Variants in HS6ST3 observed in about 807,000 individuals in gnomAD.
The protein encoded by HS6ST3 is heparan-sulfate 6-O-sulfotransferase 3.
Under a neutral mutation model 36.7 loss-of-function variants are expected in HS6ST3, and 12 were observed. That is an observed-to-expected ratio of 0.33 (90% CI 0.21 to 0.53). The LOEUF is 0.53. HS6ST3 is among the 20% of genes least tolerant of loss of function. The probability of loss-of-function intolerance (pLI) is 0.95; values close to 1 mark genes in which losing one functional copy is unlikely to be tolerated. For missense variants in HS6ST3, 584 were observed against 640.9 expected (o/e 0.91, Z 0.96); for synonymous variants, 240 against 257.5 (o/e 0.93, Z 0.65).
chr13:96,466,752 A>T (rs1311209165), intron 1 of HS6ST3, among the ~76,000 whole-genome samples: 1 of 125,024 alleles, frequency 8.0e-6, no homozygotes, highest in Non-Finnish European at 1.8e-5. Flanking sequence ...ATGAAGTTGG[A>T]TACCTTAAAT....
chr13:96,791,092 A>C (rs994379259), intron 1 of HS6ST3, among the ~76,000 whole-genome samples: 1 of 151,926 alleles, frequency 6.6e-6, no homozygotes. Flanking sequence ...CTTAGTGACT[A>C]TTTCTAGGAC....
chr13:96,154,899 C>T (rs1167516940), intron 1 of HS6ST3, among the ~76,000 whole-genome samples: 2 of 151,932 alleles, frequency 1.3e-5, no homozygotes, highest in Non-Finnish European at 2.9e-5. Flanking sequence ...AATATTTATA[C>T]CTGTAGACTC....
intron 1 of HS6ST3, among the ~76,000 whole-genome samples, chr13:96,314,195 T>C (rs1195535209): frequency 6.6e-6 from 1 of 152,130 alleles, no homozygotes; most frequent in Non-Finnish European, 1.5e-5. Flanking sequence ...TGAGACTCCA[T>C]CTAAAACAAA....
chr13:96,781,401 A>T (rs946187845), intron 1 of HS6ST3, among the ~76,000 whole-genome samples: 3 of 152,194 alleles, frequency 2.0e-5, no homozygotes, highest in Admixed American at 2.0e-4. Flanking sequence ...CAACCTGCCC[A>T]ACTCTACATA....
intron 1 of HS6ST3, among the ~76,000 whole-genome samples, chr13:96,808,122 G>C (rs1444245551): frequency 6.6e-6 from 1 of 152,168 alleles, no homozygotes; most frequent in Non-Finnish European, 1.5e-5. Flanking sequence ...AAAGAAAAAA[G>C]AGACCACTGC....
chr13:96,296,682 A>G (rs2054856496), intron 1 of HS6ST3, among the ~76,000 whole-genome samples: 1 of 152,232 alleles, frequency 6.6e-6, no homozygotes, highest in East Asian at 1.9e-4. Context: ...TTACCCTGAT[A>G]TTCATTTTTC....
rs576591774 is a variant in HS6ST3 at position 96,839,237 on chromosome 13, A to C, written c.*6039A>C. The stretch of plus-strand genomic sequence containing the variant: ...CACTTTCCTTTTTTTCTTTCTCAGA[A>C]GTACTTCTGGGGCTTTGATTGCATT... On this transcript the variant is annotated 3_prime_UTR_variant, in exon 2 of 2. Coordinates refer to ENST00000376705, the MANE Select transcript of HS6ST3 (RefSeq NM_153456.4). 1.3e-5 allele frequency: 2 copies of C among 152,184 alleles called. No individual in the cohort carries two copies. The highest frequency in any genetic ancestry group is 4.2e-4 in the South Asian group (2 of 4,802). 9.4% of individuals were successfully genotyped at this position (152,184 alleles called of 1,614,324 possible).
chr13:96,176,957 C>G (rs2054215181), intron 1 of HS6ST3, among the ~76,000 whole-genome samples: 2 of 152,074 alleles, frequency 1.3e-5, no homozygotes, highest in South Asian at 4.1e-4. Context: ...AAAAAGTGGG[C>G]AAAGACATGA....
intron 1 of HS6ST3, among the ~76,000 whole-genome samples, chr13:96,380,590 G>A (rs1205238072): frequency 2.0e-5 from 3 of 152,054 alleles, no homozygotes; most frequent in African/African-American, 7.2e-5. Flanking sequence ...AAGATGACAA[G>A]TTCTTAAAGA....
intron 1 of HS6ST3, among the ~76,000 whole-genome samples, chr13:96,801,881 A>T (rs1040079786): frequency 8.5e-5 from 13 of 152,144 alleles, no homozygotes; most frequent in Admixed American, 1.3e-4. Flanking sequence ...GGGATTTATC[A>T]TCTCACATGA....
intron 1 of HS6ST3, among the ~76,000 whole-genome samples, chr13:96,603,315 A>G (rs1267797435): frequency 2.6e-5 from 4 of 152,140 alleles, no homozygotes; most frequent in Non-Finnish European, 5.9e-5. Context: ...AGTTTATAGA[A>G]ATTGAATTAT....
intron 1 of HS6ST3, among the ~76,000 whole-genome samples, chr13:96,385,909 C>T (rs997098187): frequency 6.6e-6 from 1 of 152,020 alleles, no homozygotes; most frequent in Non-Finnish European, 1.5e-5. Flanking sequence ...GTAGCAGATC[C>T]CAGATTTAAA....
chr13:96,492,268 C>G (rs530900812), intron 1 of HS6ST3, among the ~76,000 whole-genome samples: 1 of 152,336 alleles, frequency 6.6e-6, no homozygotes, highest in Non-Finnish European at 1.5e-5. Context: ...GACACTCTTT[C>G]TACAGCAACT....
intron 1 of HS6ST3, among the ~76,000 whole-genome samples, chr13:96,155,343 C>CA (rs11377209): frequency 0.81 from 123,274 of 151,776 alleles, 50,501 homozygotes; most frequent in East Asian, 0.91. Context: ...AATAAAATAA[C>CA]AAAAAAAACA....
intron 1 of HS6ST3, among the ~76,000 whole-genome samples, chr13:96,435,205 C>A (rs2055635673): frequency 6.6e-6 from 1 of 152,170 alleles, no homozygotes; most frequent in African/African-American, 2.4e-5. Flanking sequence ...AAAATGGAAG[C>A]CTCAGATAGA....
At chr13:96,107,845 TGC>T (rs1189544101) in intron 1 of HS6ST3, among the ~76,000 whole-genome samples, 2 of 152,232 alleles carry the variant, frequency 1.3e-5, no homozygotes, top group Non-Finnish European at 2.9e-5. Flanking sequence ...TAATTTCCTA[TGC>T]CTGTCTTTAA....
chr13:96,179,118 A>G (rs2054226628), intron 1 of HS6ST3, among the ~76,000 whole-genome samples: 1 of 152,218 alleles, frequency 6.6e-6, no homozygotes, highest in Non-Finnish European at 1.5e-5. Flanking sequence ...AGTGGTTGGT[A>G]TAAAGTTAAA....
At chr13:96,622,931 G>A (rs1256668042) in intron 1 of HS6ST3, among the ~76,000 whole-genome samples, 1 of 152,072 alleles carries the variant, frequency 6.6e-6, no homozygotes, top group Admixed American at 6.5e-5. Flanking sequence ...AAGTCTGCCT[G>A]GCTTTATAAT....
chr13:96,794,493 T>A (rs971048225), intron 1 of HS6ST3, among the ~76,000 whole-genome samples: 3 of 152,084 alleles, frequency 2.0e-5, no homozygotes, highest in African/African-American at 7.2e-5. Context: ...AAATATGGAT[T>A]TTAAAATGTA....
Sources: gnomAD v4.1 joint callset for allele counts (sites outside exome capture counted in the v4.1 genomes callset) on GRCh38, gnomAD v4.1.1 for gene constraint, MANE v1.5 for transcripts, NCBI Gene and HGNC (gene_info 2026-07-23, HGNC 2026-07-21) for gene names.